Variants in UTRN observed in about 807,000 individuals in gnomAD.
The protein encoded by UTRN is utrophin.
UTRN carries 283 observed loss-of-function variants against 463.9 expected under a neutral mutation model. The observed-to-expected ratio is 0.61, with a 90% CI of 0.55 to 0.67. The LOEUF is 0.67. UTRN is among the 30% of genes least tolerant of loss of function. The pLI is 0.00. For synonymous variants in UTRN, 1,442 were observed against 1,431.5 expected (o/e 1.01, Z -0.17); for missense variants, 3,922 against 4,084.3 (o/e 0.96, Z 1.08).
At chr6:144,534,183 G>A (rs1442355977) in intron 43 of UTRN, among the ~76,000 whole-genome samples, 1 of 152,056 alleles carries the variant, frequency 6.6e-6, no homozygotes, top group Admixed American at 6.6e-5. Flanking sequence ...GTGTGTTTTG[G>A]TAAGAGACAA....
intron 54 of UTRN, among the ~76,000 whole-genome samples, chr6:144,741,431 T>C (rs914251910): frequency 2.6e-5 from 4 of 152,198 alleles, no homozygotes; most frequent in African/African-American, 9.6e-5. Context: ...GTTAAAGATA[T>C]TGTACAGAGA....
intron 60 of UTRN, among the ~76,000 whole-genome samples, chr6:144,775,239 G>A (rs1775219367): frequency 6.6e-6 from 1 of 152,156 alleles, no homozygotes; most frequent in South Asian, 2.1e-4. Context: ...GTCAATAGAA[G>A]TTAGCAATAA....
chr6:144,411,977 A>C (rs1162587453), intron 3 of UTRN, among the ~76,000 whole-genome samples: 2 of 151,864 alleles, frequency 1.3e-5, no homozygotes, highest in Non-Finnish European at 2.9e-5. Flanking sequence ...TGTGGAAGGA[A>C]CTCATTAGGC....
chr6:144,354,822 C>T (rs1778412102), intron 2 of UTRN, among the ~76,000 whole-genome samples: 1 of 152,122 alleles, frequency 6.6e-6, no homozygotes, highest in Non-Finnish European at 1.5e-5. Context: ...TCTGTCACAA[C>T]ATTCATGATG....
rs1414284413 is a variant in UTRN at position 144,393,039 on chromosome 6, CCATCCATCCATT to C, written c.80-10072_80-10061del. On this transcript the variant is annotated intron_variant, in intron 2 of 74. Transcript: ENST00000367545. The stretch of plus-strand genomic sequence containing the variant: ...TCCATCCATCCATCCATCCATCCAT[CCATCCATCCATT>C]CATCCATCCATCCATCCCTTTATCT... Among the ~76,000 whole-genome samples, 116 of 144,238 alleles carry C rather than the reference CCATCCATCCATT, an allele frequency of 8.0e-4. 1 individual carries two copies. The South Asian group carries it at 9.6e-3, about 12-fold the overall frequency. The allele number at this position is 144,238 out of a possible 152,430, so 94.6% of individuals were successfully genotyped here. A position where few individuals can be genotyped will look rare whatever the true frequency, so the allele number is the denominator to read the frequency against.
chr6:144,470,306 C>T (rs879050018), intron 23 of UTRN, among the ~76,000 whole-genome samples: 15 of 150,726 alleles, frequency 1.0e-4, no homozygotes, highest in African/African-American at 2.4e-4. Context: ...ACCTCCCAGA[C>T]GGGGCGGCTG....
chr6:144,349,360 T>G (rs1380953268), intron 2 of UTRN, among the ~76,000 whole-genome samples: 1 of 152,128 alleles, frequency 6.6e-6, no homozygotes, highest in Non-Finnish European at 1.5e-5. Context: ...GGGTTTCCAT[T>G]ACCCCTGCCA....
intron 51 of UTRN, among the ~76,000 whole-genome samples, chr6:144,633,334 A>G (rs920114742): frequency 1.3e-5 from 2 of 148,998 alleles, no homozygotes; most frequent in East Asian, 2.0e-4. Flanking sequence ...GGTTCACGCC[A>G]TTCTCCTGCC....
At chr6:144,384,927 T>C (rs1330311089) in intron 2 of UTRN, among the ~76,000 whole-genome samples, 1 of 152,214 alleles carries the variant, frequency 6.6e-6, no homozygotes, top group Non-Finnish European at 1.5e-5. Context: ...TCATTGCATA[T>C]GCTTTTTACT....
At chr6:144,476,853 A>G (rs569287097) in intron 25 of UTRN, among the ~76,000 whole-genome samples, 1 of 152,292 alleles carries the variant, frequency 6.6e-6, no homozygotes, top group East Asian at 1.9e-4. Flanking sequence ...CTGGGACACC[A>G]AGCATAACCA....
Position 144,665,715 on chromosome 6 carries a change from A to G in UTRN, c.7480-12691A>G, listed in dbSNP as rs1437869208. 3.3e-5 allele frequency among the ~76,000 whole-genome samples: 5 copies of G among 152,346 alleles called. No homozygotes were observed. The East Asian group carries it at 9.6e-4, about 29-fold the overall frequency. ...TGAACCTCAGTGAGCTTTTGTAGCCATCTTCTGGAGGGCTGTTCTGAGGGT... is the reference window on the plus strand; with the variant it reads ...TGAACCTCAGTGAGCTTTTGTAGCCGTCTTCTGGAGGGCTGTTCTGAGGGT... On this transcript the variant is annotated intron_variant, in intron 51 of 74. Transcript: ENST00000367545.
intron 52 of UTRN, among the ~76,000 whole-genome samples, chr6:144,683,011 C>T (rs1424067059): frequency 2.0e-5 from 3 of 152,116 alleles, no homozygotes; most frequent in Admixed American, 1.3e-4. Context: ...ACAGCTTCCC[C>T]CTTTGCTGGC....
intron 54 of UTRN, among the ~76,000 whole-genome samples, chr6:144,732,993 G>A (rs556709877): frequency 5.9e-5 from 9 of 152,146 alleles, no homozygotes; most frequent in East Asian, 3.9e-4. Context: ...ATGAGCCACC[G>A]TGCCCAGCCT....
intron 51 of UTRN, among the ~76,000 whole-genome samples, chr6:144,653,420 C>T (rs1009933961): frequency 1.3e-5 from 2 of 151,852 alleles, no homozygotes; most frequent in Non-Finnish European, 2.9e-5. Flanking sequence ...CCCATCTCTA[C>T]TAAAAAATAC....
chr6:144,540,036 C>T (rs923004026), intron 45 of UTRN, among the ~76,000 whole-genome samples: 1 of 121,264 alleles, frequency 8.2e-6, no homozygotes, highest in East Asian at 3.1e-4. Context: ...CAGGGAGACC[C>T]TGTCTCAAAA....
At chr6:144,428,423 G>GTTT (rs11372852) in intron 7 of UTRN, among the ~76,000 whole-genome samples, 3 of 138,570 alleles carry the variant, frequency 2.2e-5, no homozygotes, top group African/African-American at 7.9e-5. Flanking sequence ...TTTTTCTGTG[G>GTTT]TTTTTTTTTT....
chr6:144,766,135 C>A lies in UTRN; in HGVS notation c.8496-5772C>A, dbSNP rs9390213. Among the ~76,000 whole-genome samples the A allele has an allele frequency of 3.4e-3, 520 of 151,542 alleles. 19 individuals carry two copies. The East Asian group carries it at 0.078, about 23-fold the overall frequency. On this transcript the variant is annotated intron_variant, in intron 58 of 74. Transcript: ENST00000367545. ...GACACACACACACCCACACCCACAC[C>A]CACACACACACAAGCACGTGCACAG... is the stretch of plus-strand genomic sequence containing the variant.
chr6:144,821,592 A>G (rs1193398221), intron 66 of UTRN, among the ~76,000 whole-genome samples: 2 of 152,102 alleles, frequency 1.3e-5, no homozygotes, highest in East Asian at 1.9e-4. Flanking sequence ...TTCAAAGTGT[A>G]TAATTTGAGT....
At chr6:144,474,493 C>A in intron 24 of UTRN, 111 bp from the exon 25 acceptor site, 1 of 1,164,544 alleles carries the variant, frequency 8.6e-7, no homozygotes, top group Non-Finnish European at 1.2e-6. Flanking sequence ...GAAGTACTGA[C>A]TCTTAAGCAG....
Sources: allele counts gnomAD v4.1 joint callset (sites outside exome capture counted in the v4.1 genomes callset), GRCh38; gene constraint gnomAD v4.1.1; transcripts MANE v1.5; gene names NCBI Gene and HGNC (gene_info 2026-07-23, HGNC 2026-07-21).